GLOD4: variants seen among roughly 807,000 people sequenced by gnomAD.
GLOD4 encodes the protein glyoxalase domain-containing protein 4.
A neutral mutation model predicts 39.1 loss-of-function variants in GLOD4; 44 were observed. That is an observed-to-expected ratio of 1.13 (90% CI 0.88 to 1.45). GLOD4 has a LOEUF of 1.45. Among genes scored for constraint, GLOD4 ranks in the 40% most tolerant of loss-of-function variants. The probability of loss-of-function intolerance (pLI) is 0.00; values close to 1 mark genes in which losing one functional copy is unlikely to be tolerated. For synonymous variants in GLOD4, 145 were observed against 135.0 expected (o/e 1.07, Z -0.52); for missense variants, 405 against 366.4 (o/e 1.11, Z -0.86).
chr17:764,175 C>T (rs1030685103), intron 8 of GLOD4: 1 of 152,164 alleles, frequency 6.6e-6, no homozygotes, highest in Admixed American at 6.5e-5. Context: ...AAAAATTAAA[C>T]CTCTGTGGGG....
At chr17:785,553 G>A (rs896462703), upstream of GLOD4, among the ~76,000 whole-genome samples, 2 of 152,128 alleles carry the variant, frequency 1.3e-5, no homozygotes, top group African/African-American at 2.4e-5. Context: ...AGGACAGAGC[G>A]GTCGCCAGTA....
upstream of GLOD4, chr17:782,322 T>C (rs1461048290): frequency 6.2e-7 from 1 of 1,611,796 alleles, no homozygotes; most frequent in Non-Finnish European, 8.5e-7. Flanking sequence ...CCACGGGCCG[T>C]GACGTCACTA....
At chr17:782,840 A>G, upstream of GLOD4, 2 of 975,898 alleles carry the variant, frequency 2.0e-6, no homozygotes, top group Non-Finnish European at 2.9e-6. Flanking sequence ...CGTCTTTGGA[A>G]TTAGCTTCTG....
chr17:773,216 T>C (rs574844629), intron 4 of GLOD4, among the ~76,000 whole-genome samples: 2 of 152,294 alleles, frequency 1.3e-5, no homozygotes, highest in Admixed American at 6.5e-5. Context: ...AAAGTGCTCA[T>C]TGCTTTTGAA....
intron 8 of GLOD4, among the ~76,000 whole-genome samples, chr17:766,686 G>C (rs1906625160): frequency 6.6e-6 from 1 of 152,012 alleles, no homozygotes; most frequent in Admixed American, 6.6e-5. Flanking sequence ...GATCACTTGA[G>C]GCTAGGAGTT....
chr17:778,509 T>TC (rs1909325455), intron 2 of GLOD4, 186 bp downstream of exon 2: 1 of 603,886 alleles, frequency 1.7e-6, no homozygotes, highest in South Asian at 2.0e-5. Context: ...CTTAATTAAT[T>TC]CCACTGCTTT....
In GLOD4 at chr17:760,050, C is replaced by T; in HGVS notation, c.*123G>A. ...AAAGATTGAAATACACAAATCTGCA[C>T]TACCCAAGCCTCCTTGCCTGTACGG... On this transcript the variant is annotated 3_prime_UTR_variant, in exon 9 of 9. Transcript: ENST00000301329. 1.5e-6 allele frequency: 1 copy of T among 679,292 alleles called. No individual in the cohort carries two copies. The highest frequency in any genetic ancestry group is 1.8e-5 in the African/African-American group (1 of 55,782). 42.1% of individuals were successfully genotyped at this position (679,292 alleles called of 1,614,324 possible).
chr17:778,398 A>G, intron 2 of GLOD4: 2 of 498,632 alleles, frequency 4.0e-6, no homozygotes, highest in Non-Finnish European at 7.0e-6. Flanking sequence ...GGCTGGTGTT[A>G]GAGAGCTGGA....
rs745744569 is a variant in GLOD4, at chr17:770,195, A to G, written c.631-38T>C. 4 of 1,126,516 alleles carry G rather than the reference A, an allele frequency of 3.6e-6. No homozygotes were observed. In the South Asian group the frequency reaches 3.7e-5, roughly 11 times the overall value. 69.8% of individuals were successfully genotyped at this position (1,126,516 alleles called of 1,614,324 possible). ...AGAGGCAACGTGAGCCAGGGGTCAC[A>G]CACTACTCAGGACACGGCCCTCGTC... On this transcript the variant is annotated intron_variant, in intron 6 of 8. Coordinates refer to ENST00000301329, the MANE Select transcript of GLOD4 (RefSeq NM_016080.4).
chr17:776,167 A>C (rs1908911058), intron 3 of GLOD4, among the ~76,000 whole-genome samples: 2 of 152,360 alleles, frequency 1.3e-5, no homozygotes, highest in South Asian at 4.1e-4. Flanking sequence ...TTAACACCAA[A>C]GATAACGTCT....
At chr17:760,932 T>C (rs1373207420) in intron 8 of GLOD4, among the ~76,000 whole-genome samples, 2 of 152,252 alleles carry the variant, frequency 1.3e-5, no homozygotes, top group East Asian at 1.9e-4. Context: ...TATACATACA[T>C]ACAGATACAA....
At chr17:768,731 G>A (rs867501951) in intron 8 of GLOD4, among the ~76,000 whole-genome samples, 8 of 60,176 alleles carry the variant, frequency 1.3e-4, no homozygotes, top group African/African-American at 5.0e-4. Context: ...GTGAGAGAGA[G>A]AAACAGCGCG....
Position 760,072 on chromosome 17 carries a change from A to G in GLOD4, c.*101T>C. 1.3e-6 allele frequency: 1 copy of G among 758,410 alleles called. No homozygotes were observed. 47.0% of individuals were successfully genotyped at this position (758,410 alleles called of 1,614,324 possible). ...GCACTACCCAAGCCTCCTTGCCTGT[A>G]CGGGAAACAAATCAGAAGAGCATTT... is the stretch of plus-strand genomic sequence containing the variant. On this transcript the variant is annotated 3_prime_UTR_variant, in exon 9 of 9. Coordinates refer to ENST00000301329, the MANE Select transcript of GLOD4 (RefSeq NM_016080.4).
chr17:782,594 G>GA (rs781513347), upstream of GLOD4: 2 of 1,613,972 alleles, frequency 1.2e-6, no homozygotes, highest in Non-Finnish European at 8.5e-7. Flanking sequence ...AGCAACGAGA[G>GA]AAACAACCGC....
At chr17:770,583 A>G in intron 5 of GLOD4, 76 bp from the exon 6 acceptor site, 4 of 777,982 alleles carry the variant, frequency 5.1e-6, no homozygotes, top group Non-Finnish European at 7.1e-6. Context: ...AAATTCAAAT[A>G]TTATATACTA....
intron 8 of GLOD4, among the ~76,000 whole-genome samples, chr17:767,853 C>T (rs1051092288): frequency 8.8e-5 from 12 of 136,502 alleles, no homozygotes; most frequent in African/African-American, 2.8e-4. Context: ...ACAGCGCGCA[C>T]TCAGATTTTT....
chr17:782,083 C>A (rs748993731), intron 1 of GLOD4, 83 bp downstream of exon 1: 3 of 974,494 alleles, frequency 3.1e-6, no homozygotes, highest in Non-Finnish European at 4.6e-6. Context: ...CACGACACAC[C>A]CATTTTCCCC....
Position 759,605 on chromosome 17 carries a change from T to C in GLOD4, c.*568A>G, listed in dbSNP as rs1359342086. ...TGCAGCAACGTCACACACTCATTCC[T>C]TTCTGTTTCCTCTGGACACTCAAAA... On this transcript the variant is annotated 3_prime_UTR_variant, in exon 9 of 9. Coordinates refer to ENST00000301329, the MANE Select transcript of GLOD4 (RefSeq NM_016080.4). 6.6e-6 allele frequency: 1 copy of C among 152,412 alleles called. No homozygotes were observed. The highest frequency in any genetic ancestry group is 1.5e-5 in the Non-Finnish European group (1 of 68,196). 9.4% of individuals were successfully genotyped at this position (152,412 alleles called of 1,614,324 possible). A position where few individuals can be genotyped will look rare whatever the true frequency, so the allele number is the denominator to read the frequency against.
At chr17:783,584 GC>G (rs1011435060), upstream of GLOD4, 1 of 321,314 alleles carries the variant, frequency 3.1e-6, no homozygotes, top group African/African-American at 2.1e-5. Context: ...TGATCCTCCT[GC>G]CTCGGCCTCC....
Sources: allele counts gnomAD v4.1 joint callset (sites outside exome capture counted in the v4.1 genomes callset), GRCh38; gene constraint gnomAD v4.1.1; transcripts MANE v1.5; gene names NCBI Gene and HGNC (gene_info 2026-07-23, HGNC 2026-07-21).